The following ADAM22 variants were observed in gnomAD, a reference collection of about 807,000 sequenced individuals.
The protein encoded by ADAM22 is disintegrin and metalloproteinase domain-containing protein 22.
ADAM22 carries 65 observed loss-of-function variants against 144.6 expected under a neutral mutation model. The observed-to-expected ratio is 0.45, with a 90% CI of 0.37 to 0.55. ADAM22 has a LOEUF of 0.55. Among genes scored for constraint, ADAM22 ranks in the 20% least tolerant of loss-of-function variants. The pLI, the probability that ADAM22 is intolerant of heterozygous loss-of-function variation, is 0.00. For missense variants in ADAM22, 974 were observed against 1,184.9 expected (o/e 0.82, Z 2.61); for synonymous variants, 391 against 412.6 (o/e 0.95, Z 0.63).
At chr7:87,937,157 C>G (rs1191108070) in intron 2 of ADAM22, among the ~76,000 whole-genome samples, 1 of 152,072 alleles carries the variant, frequency 6.6e-6, no homozygotes, top group Non-Finnish European at 1.5e-5. Flanking sequence ...GGGATTTCAC[C>G]ATGTTGCGCA....
Position 87,935,037 on chromosome 7 carries a change from T to A in ADAM22, c.97T>A (p.Leu33Met). 6.2e-7 allele frequency: 1 copy of A among 1,614,086 alleles called. No homozygotes were observed. The highest frequency in any genetic ancestry group is 1.7e-5 in the Admixed American group (1 of 60,016). Residue 33 changes from leucine to methionine, a missense_variant, in exon 2 of 32, where the codon TTG becomes ATG. Leu to Met is a conservative substitution (Grantham distance 15). This residue lies in a region of ADAM22 where 240 missense variants were observed against 234.3 expected (regional missense o/e 1.02). Transcript: ENST00000413139. ...ARCGQAGDAS[L>M]MELEKRKENR... ...GTTCCTGCCTGGAGGAGACGCCTCA[T>A]TGATGGAGCTAGAGAAGAGGAAGGA...
chr7:88,114,774 T>A (rs1012232651), intron 6 of ADAM22, 127 bp downstream of exon 6: 4 of 777,502 alleles, frequency 5.1e-6, no homozygotes, highest in Non-Finnish European at 8.2e-6. Flanking sequence ...TAAACATATG[T>A]ACAGATGCTC....
chr7:88,080,597 T>C (rs1484834638), intron 4 of ADAM22, among the ~76,000 whole-genome samples: 2 of 151,796 alleles, frequency 1.3e-5, no homozygotes, highest in Non-Finnish European at 2.9e-5. Context: ...TGATAGACCG[T>C]TAGCAAGACT....
intron 3 of ADAM22, among the ~76,000 whole-genome samples, chr7:87,995,202 T>C (rs1252979540): frequency 2.0e-5 from 3 of 152,194 alleles, no homozygotes; most frequent in East Asian, 1.9e-4. Flanking sequence ...AAAAATGATA[T>C]TGGGAATCTC....
intron 3 of ADAM22, among the ~76,000 whole-genome samples, chr7:88,018,511 A>C (rs1797044844): frequency 6.6e-6 from 1 of 152,212 alleles, no homozygotes; most frequent in Admixed American, 6.5e-5. Flanking sequence ...TAGGTGTATA[A>C]AAAACAAAGA....
intron 15 of ADAM22, among the ~76,000 whole-genome samples, chr7:88,143,451 A>T: frequency 6.6e-6 from 1 of 151,820 alleles, no homozygotes; most frequent in African/African-American, 2.4e-5. Flanking sequence ...CTTGATGTTT[A>T]TTTTTTTTGG....
intron 2 of ADAM22, 33 bp downstream of exon 2, chr7:87,935,219 C>G (rs754220518): frequency 6.5e-7 from 1 of 1,535,168 alleles, no homozygotes; most frequent in Non-Finnish European, 8.8e-7. Flanking sequence ...TGGTCCTCCG[C>G]GCCTCCCGGC....
At chr7:88,169,792 C>T (rs1843825902) in intron 25 of ADAM22, among the ~76,000 whole-genome samples, 1 of 152,094 alleles carries the variant, frequency 6.6e-6, no homozygotes, top group Non-Finnish European at 1.5e-5. Flanking sequence ...CAAATTAATG[C>T]ATGATTTAAG....
At chr7:87,964,714 A>T (rs1240765302) in intron 2 of ADAM22, 2 of 372,250 alleles carry the variant, frequency 5.4e-6, no homozygotes, top group Admixed American at 4.0e-5. Flanking sequence ...AAAAATTTTC[A>T]TTTTGGATGT....
intron 2 of ADAM22, among the ~76,000 whole-genome samples, chr7:87,944,815 TG>T (rs1383461011): frequency 1.7e-4 from 19 of 113,426 alleles, no homozygotes; most frequent in Non-Finnish European, 2.6e-4. Flanking sequence ...GGGAAACTTG[TG>T]TTTTTTTTTT....
intron 3 of ADAM22, among the ~76,000 whole-genome samples, chr7:88,018,824 A>G (rs1797109985): frequency 6.6e-6 from 1 of 152,256 alleles, no homozygotes; most frequent in South Asian, 2.1e-4. Context: ...TGTGCATTTT[A>G]CATGGCAATC....
intron 3 of ADAM22, among the ~76,000 whole-genome samples, chr7:88,053,592 GA>G (rs1164341717): frequency 0.12 from 3,312 of 28,784 alleles, 175 homozygotes; most frequent in African/African-American, 0.26. Flanking sequence ...AGGAAGGAAG[GA>G]AAGAAAGAAA....
At chr7:88,005,410 C>T (rs2237539) in intron 3 of ADAM22, among the ~76,000 whole-genome samples, 17,899 of 152,156 alleles carry the variant, frequency 0.12, 1,305 homozygotes, top group East Asian at 0.31. Context: ...TTGGAGGCTG[C>T]AGGCCCAGTG....
chr7:87,968,826 CT>C (rs1483571441), intron 2 of ADAM22, among the ~76,000 whole-genome samples: 1 of 152,152 alleles, frequency 6.6e-6, no homozygotes, highest in African/African-American at 2.4e-5. Context: ...GGTTAGTTGG[CT>C]TATGGTTCTG....
At chr7:88,182,554 G>A (rs546615070) in intron 29 of ADAM22, among the ~76,000 whole-genome samples, 1 of 152,194 alleles carries the variant, frequency 6.6e-6, no homozygotes, top group South Asian at 2.1e-4. Context: ...ATTTAAAAGG[G>A]CATTTTCCTA....
intron 30 of ADAM22, among the ~76,000 whole-genome samples, chr7:88,191,211 A>G (rs574283516): frequency 1.3e-5 from 2 of 152,344 alleles, no homozygotes; most frequent in East Asian, 1.9e-4. Context: ...CCATAGAAAG[A>G]TATTTGAGGG....
At chr7:88,153,176 C>T in intron 20 of ADAM22, 45 bp from the exon 21 acceptor site, 1 of 1,404,816 alleles carries the variant, frequency 7.1e-7, no homozygotes, top group Non-Finnish European at 9.9e-7. Context: ...TTTGAGCAGC[C>T]AAATCGTACT....
At chr7:88,179,909 T>C (rs1846567574) in intron 27 of ADAM22, among the ~76,000 whole-genome samples, 1 of 152,110 alleles carries the variant, frequency 6.6e-6, no homozygotes, top group Non-Finnish European at 1.5e-5. Flanking sequence ...GAAAAAAGGT[T>C]TGGTAGCCCT....
intron 3 of ADAM22, among the ~76,000 whole-genome samples, chr7:87,991,087 A>G (rs1789723891): frequency 6.6e-6 from 1 of 152,222 alleles, no homozygotes; most frequent in Non-Finnish European, 1.5e-5. Context: ...GTTGGTTTAT[A>G]GAAGCCCTTT....
Sources: gnomAD v4.1 joint callset for allele counts (sites outside exome capture counted in the v4.1 genomes callset) on GRCh38, gnomAD v4.1.1 for gene constraint, gnomAD v4.1.1 regional missense constraint, MANE v1.5 for transcripts, NCBI Gene and HGNC (gene_info 2026-07-23, HGNC 2026-07-21) for gene names.